Variants in MMRN2 observed in about 807,000 individuals in gnomAD.
MMRN2 encodes multimerin-2.
In MMRN2, 53 loss-of-function variants were observed where a neutral mutation model predicts 68.8. That is an observed-to-expected ratio of 0.77 (90% confidence interval 0.62 to 0.97). The LOEUF (loss-of-function observed/expected upper bound fraction) is 0.97, where lower values mean the gene tolerates loss of function less well. Among genes scored for constraint, MMRN2 ranks in the 50% least tolerant of loss-of-function variants. The pLI, the probability that MMRN2 is intolerant of heterozygous loss-of-function variation, is 0.00. For missense variants in MMRN2, 1,266 were observed against 1,259.5 expected, an observed-to-expected ratio of 1.01 and a Z score of -0.08; for synonymous variants, 564 against 551.6, an observed-to-expected ratio of 1.02 and a Z score of -0.32.
chr10:86,940,749 G>A (rs1843954500), intron 6 of MMRN2, among the ~76,000 whole-genome samples: 1 of 152,206 alleles, frequency 6.6e-6, no homozygotes, highest in African/African-American at 2.4e-5. Flanking sequence ...CTTGCCACAC[G>A]CCAGGCTGCA....
Position 86,942,747 on chromosome 10 carries a change from C to A in MMRN2, c.2037G>T (p.Glu679Asp). The change falls in exon 6 of 7, where the codon GAG becomes GAT. Residue 679 changes from glutamate to aspartate, a missense_variant. Transcript: ENST00000372027. ...CCTCGCGGCCCGCGTCGTGGCTGGGCTCCAGGTGCTCTGCCGGCCGCGGGG... is the reference window on the plus strand; with the variant it reads ...CCTCGCGGCCCGCGTCGTGGCTGGGATCCAGGTGCTCTGCCGGCCGCGGGG... ...SEPPRPAEHL[E>D]PSHDAGREEA... 7.2e-7 allele frequency: 1 copy of A among 1,394,358 alleles called. No individual in the cohort carries two copies. Among genetic ancestry groups the A allele is most frequent in the South Asian group, 1.6e-5 (1 of 62,124 alleles). 86.4% of individuals were successfully genotyped at this position (1,394,358 alleles called of 1,614,324 possible).
intron 6 of MMRN2, among the ~76,000 whole-genome samples, chr10:86,939,422 A>T (rs1318552473): frequency 1.5e-5 from 2 of 137,064 alleles, no homozygotes; most frequent in Admixed American, 1.6e-4. Context: ...AGATCGTGCC[A>T]TTGCACTCCA....
chr10:86,944,335 G>C lies in MMRN2; in HGVS notation c.582C>G (p.Ser194Arg). Residue 194 changes from serine (S) to arginine (R), a missense_variant, in exon 5 of 7, where the codon AGC becomes AGG. Physicochemically the swap from Ser to Arg is moderately radical, Grantham distance 110. Coordinates refer to ENST00000372027, the MANE Select transcript of MMRN2 (RefSeq NM_024756.3). Reference protein sequence around the residue: ...LQNDVHRVADSLPGLWKALPG... With the variant: ...LQNDVHRVADRLPGLWKALPG... The stretch of plus-strand genomic sequence containing the variant: ...GCAGGGCTTTCCACAGGCCTGGCAG[G>C]CTGTCTGCCACCCGGTGCACATCAT... 6.2e-7 allele frequency: 1 copy of C among 1,613,952 alleles called. No individual in the cohort carries two copies. Among genetic ancestry groups the C allele is most frequent in the Non-Finnish European group, 8.5e-7 (1 of 1,179,992 alleles).
In MMRN2 at chr10:86,936,334, T is replaced by G; in HGVS notation, c.*409A>C. On this transcript the variant is annotated 3_prime_UTR_variant, in exon 7 of 7. Coordinates refer to ENST00000372027, the MANE Select transcript of MMRN2 (RefSeq NM_024756.3). Reference sequence around the variant, plus strand: ...ACATTCCTCCTGGGGAAGAATGTCTTTCTATCATACGATAAGGGAGAAGAG... The same window carrying G: ...ACATTCCTCCTGGGGAAGAATGTCTGTCTATCATACGATAAGGGAGAAGAG... The G allele has an allele frequency of 2.3e-6, 1 of 425,816 alleles. No homozygotes were observed. 26.4% of individuals were successfully genotyped at this position (425,816 alleles called of 1,614,324 possible). A position where few individuals can be genotyped will look rare whatever the true frequency, so the allele number is the denominator to read the frequency against.
rs142037015 is a variant in MMRN2, at chr10:86,935,722, T to G, written c.*1021A>C. The G allele has an allele frequency of 1.3e-4, 20 of 152,380 alleles. No individual in the cohort carries two copies. In the East Asian group the frequency reaches 3.9e-3, roughly 29 times the overall value. The allele number at this position is 152,380 out of a possible 1,614,324, so 9.4% of individuals were successfully genotyped here. A position where few individuals can be genotyped will look rare whatever the true frequency, so the allele number is the denominator to read the frequency against. ...CATATTTTAGTTCACGTTTGGCATT[T>G]CTTGGTCTTTACCCTATGTAAGGCA... On this transcript the variant is annotated 3_prime_UTR_variant, in exon 7 of 7. Coordinates refer to ENST00000372027, the MANE Select transcript of MMRN2 (RefSeq NM_024756.3).
intron 1 of MMRN2, chr10:86,945,909 C>T (rs1052890246): frequency 2.9e-5 from 38 of 1,321,246 alleles, no homozygotes; most frequent in East Asian, 2.5e-4. Context: ...ACCACCTTCC[C>T]GAAGCCTCCC....
intron 6 of MMRN2, among the ~76,000 whole-genome samples, chr10:86,938,614 C>T (rs557222163): frequency 6.6e-6 from 1 of 152,322 alleles, no homozygotes; most frequent in East Asian, 1.9e-4. Flanking sequence ...AGGTCATGTC[C>T]ACCATGGGGT....
intron 1 of MMRN2, among the ~76,000 whole-genome samples, chr10:86,953,182 A>G (rs2133686877): frequency 6.6e-6 from 1 of 152,274 alleles, no homozygotes; most frequent in South Asian, 2.1e-4. Flanking sequence ...TTTACAATCA[A>G]TTTGTACAGT....
chr10:86,939,568 G>A (rs1346284044), intron 6 of MMRN2, among the ~76,000 whole-genome samples: 1 of 151,162 alleles, frequency 6.6e-6, no homozygotes, highest in Non-Finnish European at 1.5e-5. Context: ...CTCTTGCCTA[G>A]CCGAAGGAAG....
At chr10:86,953,069 C>T (rs529583841) in intron 1 of MMRN2, among the ~76,000 whole-genome samples, 221 of 152,302 alleles carry the variant, frequency 1.5e-3, no homozygotes, top group Admixed American at 3.7e-3. Flanking sequence ...TGCCCGACCC[C>T]GCAGGCAGTT....
chr10:86,938,286 T>C (rs534514981), intron 6 of MMRN2, among the ~76,000 whole-genome samples: 1 of 152,214 alleles, frequency 6.6e-6, no homozygotes, highest in Non-Finnish European at 1.5e-5. Context: ...AAAAAGCTTA[T>C]TGCTCCAGAC....
chr10:86,954,041 T>C (rs1409876333), intron 1 of MMRN2: 4 of 152,746 alleles, frequency 2.6e-5, no homozygotes, highest in African/African-American at 9.6e-5. Flanking sequence ...TCCTGACCTT[T>C]GCTTTGGCTT....
In MMRN2 at chr10:86,943,889, C is replaced by T. The variant is rs966379200; in HGVS notation, c.895G>A (p.Glu299Lys). The T allele has an allele frequency of 2.5e-6, 4 of 1,613,926 alleles. No individual in the cohort carries two copies. The highest frequency in any genetic ancestry group is 1.7e-5 in the Admixed American group (1 of 60,010). ...AGCTGACCCACTCTCTGAGTGTTCTCCTGGACCTTGGCCTCAAATTTGGCA... is the reference window on the plus strand; with the variant it reads ...AGCTGACCCACTCTCTGAGTGTTCTTCTGGACCTTGGCCTCAAATTTGGCA... ...LGAKFEAKVQ[E>K]NTQRVGQLRQ... The change falls in exon 6 of 7, where the codon GAG (glutamate) becomes AAG (lysine). Residue 299 changes from glutamate (E) to lysine (K), a missense_variant. Coordinates refer to ENST00000372027, the MANE Select transcript of MMRN2 (RefSeq NM_024756.3). The surrounding 1 kb of genome is among the most constrained non-coding windows in gnomAD (Gnocchi z 4.2).
intron 6 of MMRN2, among the ~76,000 whole-genome samples, chr10:86,940,637 G>C (rs545066153): frequency 1.3e-5 from 2 of 152,374 alleles, no homozygotes; most frequent in African/African-American, 4.8e-5. Context: ...AGTGATGCCA[G>C]AGCCTGGGTG....
chr10:86,943,117 C>G lies in MMRN2; in HGVS notation c.1667G>C (p.Arg556Pro). ...GAGCCGCGACGTGGCCGCCCGCGCC[C>G]GCTCGCCCTCCGCTTTGTGCGCGTC... is the stretch of plus-strand genomic sequence containing the variant. ...AVDAHKAEGE[R>P]ARAATSRLRS... Residue 556 changes from arginine (R) to proline (P), a missense_variant, in exon 6 of 7, where the codon CGG becomes CCG. Arg to Pro is a moderately radical substitution (Grantham distance 103). Transcript: ENST00000372027. This position sits in a 1 kb window ranked among gnomAD's most constrained non-coding sequence, Gnocchi z 4.2. 6.6e-7 allele frequency: 1 copy of G among 1,525,170 alleles called. No individual in the cohort carries two copies. The highest frequency in any genetic ancestry group is 1.2e-5 in the South Asian group (1 of 81,554). The allele number at this position is 1,525,170 out of a possible 1,614,324, so 94.5% of individuals were successfully genotyped here. A position where few individuals can be genotyped will look rare whatever the true frequency, so the allele number is the denominator to read the frequency against.
chr10:86,953,239 T>A (rs1844168209), intron 1 of MMRN2, among the ~76,000 whole-genome samples: 1 of 152,148 alleles, frequency 6.6e-6, no homozygotes, highest in Admixed American at 6.6e-5. Context: ...CCTCAGCTTA[T>A]GAAGATAACA....
rs1323020374 is a variant in MMRN2, at chr10:86,945,470, G to T, written c.300C>A (p.Arg100=). The part of the protein sequence containing the change: ...PDCQKVKVMY[R]MAHKPVYQVK... Reference sequence around the variant, plus strand: ...CCTGGTACACTGGCTTGTGGGCCATGCGGTACCTGGAAGAGGAGAAGGGCT... The same window carrying T: ...CCTGGTACACTGGCTTGTGGGCCATTCGGTACCTGGAAGAGGAGAAGGGCT... The change falls in exon 3 of 7, where the codon CGC becomes CGA. Residue 100 remains arginine, a synonymous_variant. Coordinates refer to ENST00000372027, the MANE Select transcript of MMRN2 (RefSeq NM_024756.3). The T allele has an allele frequency of 6.4e-7, 1 of 1,557,070 alleles. No homozygotes were observed. The highest frequency in any genetic ancestry group is 8.7e-7 in the Non-Finnish European group (1 of 1,149,930).
intron 1 of MMRN2, among the ~76,000 whole-genome samples, chr10:86,953,793 G>A (rs1047554976): frequency 9.2e-5 from 14 of 152,244 alleles, no homozygotes; most frequent in Non-Finnish European, 2.1e-4. Context: ...GGGCCTGGAA[G>A]GCGTGTGCCC....
rs1426346526 is a variant in MMRN2, at chr10:86,943,318, A to G, written c.1466T>C (p.Val489Ala). ...QGGHADLIKY[V>A]KDCNCQKLYL... ...GAGCTTCTGGCAATTGCAGTCCTTC[A>G]CGTACTTGATGAGGTCGGCATGGCC... The change falls in exon 6 of 7, where the codon GTG becomes GCG. Residue 489 changes from valine (V) to alanine (A), a missense_variant. Physicochemically the swap from Val to Ala is moderately conservative, Grantham distance 64. Transcript: ENST00000372027. The surrounding 1 kb of genome is among the most constrained non-coding windows in gnomAD (Gnocchi z 4.2). 1 of 1,613,810 alleles carries G rather than the reference A, an allele frequency of 6.2e-7. No homozygotes were observed. The highest frequency in any genetic ancestry group is 1.1e-5 in the South Asian group (1 of 91,086).
Sources: allele counts gnomAD v4.1 joint callset (sites outside exome capture counted in the v4.1 genomes callset), GRCh38; gene constraint gnomAD v4.1.1; non-coding constraint Gnocchi (gnomAD v3.1); transcripts MANE v1.5; gene names NCBI Gene and HGNC (gene_info 2026-07-23, HGNC 2026-07-21).